MYO16: variants seen among roughly 807,000 people sequenced by gnomAD.
MYO16 encodes the protein myosin XVI.
MYO16 carries 94 observed loss-of-function variants against 205.3 expected under a neutral mutation model. The ratio of observed to expected loss-of-function variants is 0.46; its 90% CI spans 0.39 to 0.54. The LOEUF is 0.54. Ranked by LOEUF, MYO16 falls within the 20% of genes least tolerant of loss-of-function variation. MYO16 has a pLI of 0.00. For synonymous variants in MYO16, 988 were observed against 954.0 expected, an observed-to-expected ratio of 1.04 and a Z score of -0.66; for missense variants, 2,315 against 2,387.5, an observed-to-expected ratio of 0.97 and a Z score of 0.63.
chr13:108,596,270 T>C (rs1216933520), intron 1 of MYO16: 3 of 152,308 alleles, frequency 2.0e-5, no homozygotes, highest in East Asian at 3.9e-4. Flanking sequence ...TCACTCTTCC[T>C]TTTAGAAGAA....
intron 32 of MYO16, among the ~76,000 whole-genome samples, chr13:109,144,824 C>A (rs369658477): frequency 6.6e-6 from 1 of 152,310 alleles, no homozygotes; most frequent in East Asian, 1.9e-4. Context: ...CAGTAATTCA[C>A]TGCTTTAGTT....
At chr13:108,939,534 C>T (rs1882634503) in intron 16 of MYO16, among the ~76,000 whole-genome samples, 1 of 152,086 alleles carries the variant, frequency 6.6e-6, no homozygotes, top group Admixed American at 6.5e-5. Context: ...TTGGGTTGAT[C>T]CTTCTGTACT....
chr13:109,055,629 G>C lies in MYO16; in HGVS notation c.3335+34G>C. On this transcript the variant is annotated intron_variant, in intron 27 of 34. Coordinates refer to ENST00000457511, the MANE Select transcript of MYO16 (RefSeq NM_001198950.3). The surrounding 1 kb of genome is among the most constrained non-coding windows in gnomAD (Gnocchi z 5.0). ...TTCTGCTCTTAAAATCGTCGTTCTC[G>C]CTGCTGTTCAGTGCAGTGTACTGAC... is the stretch of plus-strand genomic sequence containing the variant. 1.3e-6 allele frequency: 2 copies of C among 1,567,900 alleles called. No homozygotes were observed. The highest frequency in any genetic ancestry group is 1.7e-6 in the Non-Finnish European group (2 of 1,149,074).
intron 15 of MYO16, among the ~76,000 whole-genome samples, chr13:108,906,446 T>C (rs1216189340): frequency 2.0e-5 from 3 of 152,222 alleles, no homozygotes; most frequent in South Asian, 2.1e-4. Flanking sequence ...TGTGTTTTTT[T>C]CCCCAAATCC....
chr13:109,125,940 C>T lies in MYO16; in HGVS notation c.3782+582C>T, dbSNP rs1876227268. Among the ~76,000 whole-genome samples, 2 of 152,198 alleles carry T rather than the reference C, an allele frequency of 1.3e-5. No homozygotes were observed. The highest frequency in any genetic ancestry group is 6.5e-5 in the Admixed American group (1 of 15,278). On this transcript the variant is annotated intron_variant, in intron 30 of 34. Coordinates refer to ENST00000457511, the MANE Select transcript of MYO16 (RefSeq NM_001198950.3). The surrounding 1 kb of genome is among the most constrained non-coding windows in gnomAD (Gnocchi z 4.0). ...CTTAAAACAGAAATGTGACGATCACCTGGTCCCTCTCCATTTGATCACTCT... is the reference window on the plus strand; with the variant it reads ...CTTAAAACAGAAATGTGACGATCACTTGGTCCCTCTCCATTTGATCACTCT...
At chr13:109,030,868 T>TC (rs1482672803) in intron 23 of MYO16, among the ~76,000 whole-genome samples, 1 of 152,016 alleles carries the variant, frequency 6.6e-6, no homozygotes, top group Non-Finnish European at 1.5e-5. Flanking sequence ...TTTGTATTTG[T>TC]CCCCCCTTTC....
rs1162251952 is a variant in MYO16, at chr13:108,727,678, G to A, written c.507+95G>A. 3 of 1,419,222 alleles carry A rather than the reference G, an allele frequency of 2.1e-6. No individual in the cohort carries two copies. In the East Asian group the frequency reaches 7.0e-5, roughly 33 times the overall value. The allele number at this position is 1,419,222 out of a possible 1,614,324, so 87.9% of individuals were successfully genotyped here. ...GCTATTTTACAATATGTAATATTTT[G>A]GTTGAGAAAAATCTGCATATGTTAT... is the stretch of plus-strand genomic sequence containing the variant. On this transcript the variant is annotated intron_variant, in intron 4 of 34. Coordinates refer to ENST00000457511, the MANE Select transcript of MYO16 (RefSeq NM_001198950.3).
At chr13:109,128,510 C>T (rs1270695123) in intron 31 of MYO16, among the ~76,000 whole-genome samples, 2 of 151,894 alleles carry the variant, frequency 1.3e-5, no homozygotes, top group Admixed American at 6.6e-5. Context: ...TAAGCTCAAA[C>T]GTTGGGATGA....
intron 32 of MYO16, among the ~76,000 whole-genome samples, chr13:109,144,761 A>G (rs958419218): frequency 2.0e-5 from 3 of 152,206 alleles, no homozygotes; most frequent in African/African-American, 7.2e-5. Flanking sequence ...AGAAAGGTTC[A>G]AAATGTTCTC....
intron 15 of MYO16, among the ~76,000 whole-genome samples, chr13:108,900,218 A>G (rs914369980): frequency 6.6e-6 from 1 of 152,206 alleles, no homozygotes; most frequent in African/African-American, 2.4e-5. Context: ...ATGTACACAT[A>G]TTAAAAAGAA....
chr13:108,996,907 T>G (rs973018125), intron 21 of MYO16, among the ~76,000 whole-genome samples: 3 of 152,216 alleles, frequency 2.0e-5, no homozygotes, highest in Non-Finnish European at 4.4e-5. Context: ...CTACAAATAA[T>G]TTCCCTACAT....
chr13:108,584,723 T>C, the MYO16 span, among the ~76,000 whole-genome samples: 4 of 152,318 alleles, frequency 2.6e-5, no homozygotes, highest in South Asian at 2.1e-4. Flanking sequence ...ACATGAGATA[T>C]CTGTTTTTCT....
intron 9 of MYO16, among the ~76,000 whole-genome samples, chr13:108,840,852 G>A (rs1026247278): frequency 1.3e-5 from 2 of 152,124 alleles, no homozygotes; most frequent in Admixed American, 6.6e-5. Context: ...AAATTATTTG[G>A]AAGATTTTCA....
chr13:108,499,777 A>G, the MYO16 span, among the ~76,000 whole-genome samples: 1 of 152,224 alleles, frequency 6.6e-6, no homozygotes, highest in Non-Finnish European at 1.5e-5. Flanking sequence ...AATTCTTTGT[A>G]TATAATTATG....
intron 27 of MYO16, among the ~76,000 whole-genome samples, chr13:109,084,667 AAAT>A (rs1193787241): frequency 6.7e-6 from 1 of 148,254 alleles, no homozygotes; most frequent in African/African-American, 2.5e-5. Flanking sequence ...TTATGTTAAG[AAAT>A]AATATTTAAG....
At chr13:108,757,515 C>T (rs553094955) in intron 4 of MYO16, among the ~76,000 whole-genome samples, 16 of 152,084 alleles carry the variant, frequency 1.1e-4, no homozygotes, top group African/African-American at 3.9e-4. Context: ...TTTTAGGGTA[C>T]ATGTACACAA....
chr13:109,035,218 T>G (rs538145733), intron 23 of MYO16, among the ~76,000 whole-genome samples: 3 of 145,820 alleles, frequency 2.1e-5, no homozygotes, highest in East Asian at 2.0e-4. Flanking sequence ...TATTTGAAAG[T>G]TTTTTTTTTC....
chr13:108,679,442 G>C (rs1436258947), intron 2 of MYO16, among the ~76,000 whole-genome samples: 1 of 152,014 alleles, frequency 6.6e-6, no homozygotes, highest in East Asian at 1.9e-4. Context: ...CTGTTCCCTG[G>C]CTTCTAGAAC....
At chr13:108,783,662 G>A (rs1886373458) in intron 4 of MYO16, among the ~76,000 whole-genome samples, 1 of 152,122 alleles carries the variant, frequency 6.6e-6, no homozygotes, top group Admixed American at 6.5e-5. Context: ...ACGTGTTGTG[G>A]GACAGACCCA....
Sources: gnomAD v4.1 joint callset for allele counts (sites outside exome capture counted in the v4.1 genomes callset) on GRCh38, gnomAD v4.1.1 for gene constraint, Gnocchi (gnomAD v3.1) non-coding constraint, MANE v1.5 for transcripts, NCBI Gene and HGNC (gene_info 2026-07-23, HGNC 2026-07-21) for gene names.